NLGN1: variants seen among roughly 807,000 people sequenced by gnomAD.
NLGN1 encodes the protein neuroligin 1, also known as neuroligin-1.
Under a neutral mutation model 65.5 loss-of-function variants are expected in NLGN1, and 12 were observed. The ratio of observed to expected loss-of-function variants is 0.18; its 90% CI spans 0.12 to 0.30. NLGN1 has a LOEUF of 0.30. NLGN1 is among the 10% of genes least tolerant of loss of function. The probability of loss-of-function intolerance (pLI) is 1.00; values close to 1 mark genes in which losing one functional copy is unlikely to be tolerated. For missense variants in NLGN1, 750 were observed against 1,007.1 expected (o/e 0.74, Z 3.46); for synonymous variants, 350 against 359.5 (o/e 0.97, Z 0.30).
intron 4 of NLGN1, among the ~76,000 whole-genome samples, chr3:173,815,846 T>A (rs1159126233): frequency 1.3e-5 from 2 of 152,134 alleles, no homozygotes; most frequent in African/African-American, 4.8e-5. Flanking sequence ...AGATGTTTAA[T>A]GAATATCTTA....
intron 3 of NLGN1, among the ~76,000 whole-genome samples, chr3:173,760,786 AG>A (rs1441442833): frequency 6.6e-6 from 1 of 152,082 alleles, no homozygotes; most frequent in Non-Finnish European, 1.5e-5. Context: ...TTCTGCCCTC[AG>A]TCACAGGTTT....
At chr3:174,016,322 A>G (rs1432026914) in intron 4 of NLGN1, among the ~76,000 whole-genome samples, 1 of 152,222 alleles carries the variant, frequency 6.6e-6, no homozygotes, top group East Asian at 1.9e-4. Flanking sequence ...CCAGACTCTA[A>G]AAGTACACGT....
At chr3:173,669,145 GAA>G (rs1762120018) in intron 3 of NLGN1, among the ~76,000 whole-genome samples, 2 of 152,084 alleles carry the variant, frequency 1.3e-5, no homozygotes, top group Non-Finnish European at 2.9e-5. Context: ...CTTACTTTAA[GAA>G]AAAACAATGT....
chr3:174,095,273 T>G (rs1745270633), intron 4 of NLGN1, among the ~76,000 whole-genome samples: 1 of 146,516 alleles, frequency 6.8e-6, no homozygotes, highest in Non-Finnish European at 1.5e-5. Flanking sequence ...ATTATATGGG[T>G]ATGGAGCTAA....
chr3:173,574,618 T>C lies in NLGN1; in HGVS notation c.-320-29661T>C, dbSNP rs565534740. ...ATTCCTATTTCCCATGAAACTAACA[T>C]ACTTAATGGACAAGCCCAATTACAA... is the stretch of plus-strand genomic sequence containing the variant. On this transcript the variant is annotated intron_variant, in intron 2 of 6. Transcript: ENST00000457714. 1.6e-4 allele frequency among the ~76,000 whole-genome samples: 24 copies of C among 152,236 alleles called. No individual in the cohort carries two copies. The Middle Eastern group carries it at 0.017, about 108-fold the overall frequency.
At chr3:173,531,733 G>T (rs1476731405) in intron 2 of NLGN1, among the ~76,000 whole-genome samples, 1 of 152,044 alleles carries the variant, frequency 6.6e-6, no homozygotes, top group Non-Finnish European at 1.5e-5. Context: ...ACAGATCAAA[G>T]ATTTCACCTT....
intron 4 of NLGN1, among the ~76,000 whole-genome samples, chr3:174,250,963 G>T (rs1384124119): frequency 6.6e-6 from 1 of 152,060 alleles, no homozygotes; most frequent in Non-Finnish European, 1.5e-5. Context: ...GCCTAATAGG[G>T]AATCAAGGTT....
At chr3:173,435,358 AT>A (rs1285485516) in intron 2 of NLGN1, among the ~76,000 whole-genome samples, 1 of 152,106 alleles carries the variant, frequency 6.6e-6, no homozygotes, top group Non-Finnish European at 1.5e-5. Context: ...AACTGATTTT[AT>A]TTTTGAAAAT....
intron 4 of NLGN1, among the ~76,000 whole-genome samples, chr3:173,839,775 A>G (rs970283653): frequency 1.3e-5 from 2 of 152,184 alleles, no homozygotes; most frequent in African/African-American, 4.8e-5. Flanking sequence ...GGCTATGCCT[A>G]TAATGCTTAA....
chr3:174,024,352 A>G (rs13084653), intron 4 of NLGN1, among the ~76,000 whole-genome samples: 39,493 of 151,914 alleles, frequency 0.26, 6,015 homozygotes, highest in African/African-American at 0.42. Context: ...TAGCATGCCA[A>G]ATGAGTAATG....
chr3:173,991,243 A>C (rs1265239248), intron 4 of NLGN1, among the ~76,000 whole-genome samples: 1 of 152,180 alleles, frequency 6.6e-6, no homozygotes, highest in Non-Finnish European at 1.5e-5. Context: ...TTGATTTTTG[A>C]AATGTTAAAA....
intron 3 of NLGN1, among the ~76,000 whole-genome samples, chr3:173,635,153 G>A (rs976829493): frequency 3.3e-5 from 5 of 152,076 alleles, no homozygotes; most frequent in Admixed American, 2.6e-4. Context: ...TAGCTACAGA[G>A]TATTTTATGT....
chr3:173,561,930 G>GT (rs1426531554), intron 2 of NLGN1, among the ~76,000 whole-genome samples: 1 of 152,106 alleles, frequency 6.6e-6, no homozygotes, highest in East Asian at 1.9e-4. Context: ...TGCTCTAGTG[G>GT]TTTTTTTGTT....
At chr3:174,285,644 A>G (rs1168454905) in exon 7 of NLGN1, 1 of 151,440 alleles carries the variant, frequency 6.6e-6, no homozygotes, top group Admixed American at 6.6e-5. Context: ...TTTCATAAGC[A>G]TTCTGATTTG....
chr3:173,545,963 A>G (rs1739743976), intron 2 of NLGN1, among the ~76,000 whole-genome samples: 3 of 152,116 alleles, frequency 2.0e-5, no homozygotes, highest in Admixed American at 2.0e-4. Flanking sequence ...GGGCTAGGGA[A>G]GGGATAGCAT....
At chr3:173,653,443 C>A (rs1759520343) in intron 3 of NLGN1, among the ~76,000 whole-genome samples, 1 of 152,078 alleles carries the variant, frequency 6.6e-6, no homozygotes, top group African/African-American at 2.4e-5. Context: ...GGGTCTTCAT[C>A]ATGAAGGAAT....
chr3:173,861,587 CAT>C (rs745828517), intron 4 of NLGN1, among the ~76,000 whole-genome samples: 32 of 146,414 alleles, frequency 2.2e-4, no homozygotes, highest in South Asian at 8.8e-4. Flanking sequence ...TATACACACA[CAT>C]ATATGTGTGT....
intron 2 of NLGN1, among the ~76,000 whole-genome samples, chr3:173,598,790 T>G (rs1207565273): frequency 2.0e-5 from 3 of 152,148 alleles, no homozygotes; most frequent in Non-Finnish European, 4.4e-5. Flanking sequence ...ACAAGAAGTT[T>G]CCTGGGATGT....
chr3:173,790,714 G>C (rs941106810), intron 3 of NLGN1, among the ~76,000 whole-genome samples: 1 of 151,842 alleles, frequency 6.6e-6, no homozygotes, highest in African/African-American at 2.4e-5. Context: ...TGTGTATTAA[G>C]GATTTAGTTT....
Sources: gnomAD v4.1 joint callset for allele counts (sites outside exome capture counted in the v4.1 genomes callset) on GRCh38, gnomAD v4.1.1 for gene constraint, MANE v1.5 for transcripts, NCBI Gene and HGNC (gene_info 2026-07-23, HGNC 2026-07-21) for gene names.